COL22A1: variants seen among roughly 807,000 people sequenced by gnomAD.
COL22A1 encodes collagen type XXII alpha 1 chain.
Under a neutral mutation model 248.9 loss-of-function variants are expected in COL22A1, and 221 were observed. The observed-to-expected ratio is 0.89, with a 90% CI of 0.80 to 0.99. COL22A1 has a LOEUF of 0.99. Among genes scored for constraint, COL22A1 ranks in the 50% least tolerant of loss-of-function variants. The pLI is 0.00. For missense variants in COL22A1, 2,240 were observed against 2,179.0 expected, an observed-to-expected ratio of 1.03 and a Z score of -0.56; for synonymous variants, 891 against 793.4, an observed-to-expected ratio of 1.12 and a Z score of -2.07.
chr8:138,849,247 C>A (rs1290693569), intron 3 of COL22A1, among the ~76,000 whole-genome samples: 3 of 152,218 alleles, frequency 2.0e-5, no homozygotes, highest in Non-Finnish European at 4.4e-5. Flanking sequence ...TGTTTCTGAG[C>A]CTCTTGGCTG....
intron 45 of COL22A1, among the ~76,000 whole-genome samples, chr8:138,650,239 T>C (rs578094012): frequency 1.4e-4 from 22 of 152,356 alleles, no homozygotes; most frequent in East Asian, 3.9e-4. Flanking sequence ...AAGTGGTTTC[T>C]GAACAAGGAA....
At chr8:138,729,040 G>A (rs1045978298) in intron 23 of COL22A1, among the ~76,000 whole-genome samples, 8 of 152,100 alleles carry the variant, frequency 5.3e-5, no homozygotes, top group Admixed American at 2.0e-4. Flanking sequence ...CAAGGGGCTC[G>A]GCCACCTCCA....
At chr8:138,621,012 TC>T in intron 52 of COL22A1, among the ~76,000 whole-genome samples, 1 of 150,908 alleles carries the variant, frequency 6.6e-6, no homozygotes. Flanking sequence ...CATCCATCCA[TC>T]CATCCATCCT....
intron 32 of COL22A1, 40 bp from the exon 33 acceptor site, chr8:138,694,919 G>C: frequency 2.5e-6 from 4 of 1,599,968 alleles, no homozygotes; most frequent in Non-Finnish European, 3.4e-6. Flanking sequence ...ACTTCAGGGA[G>C]AACTGCCCCT....
rs1000343134 is a variant in COL22A1 at position 138,787,731 on chromosome 8, G to A, written c.1597-6751C>T. On this transcript the variant is annotated intron_variant, in intron 12 of 64. Coordinates refer to ENST00000303045, the MANE Select transcript of COL22A1 (RefSeq NM_152888.3). The stretch of plus-strand genomic sequence containing the variant: ...TGCTGTGACTCAAAATCAGGGCTTG[G>A]CTCCAAGTCCAGGCTCTGACCTGTC... Among the ~76,000 whole-genome samples the A allele has an allele frequency of 3.3e-5, 5 of 152,106 alleles. No individual in the cohort carries two copies. The East Asian group carries it at 7.7e-4, about 23-fold the overall frequency.
intron 10 of COL22A1, among the ~76,000 whole-genome samples, chr8:138,805,384 G>A (rs561134703): frequency 2.6e-5 from 3 of 117,312 alleles, no homozygotes; most frequent in East Asian, 2.4e-4. Context: ...TGATGGTGTG[G>A]GCATGTGATG....
In COL22A1 at chr8:138,851,411, C is replaced by T. The variant is rs188364019; in HGVS notation, c.659-7253G>A. ...CATGGAGAGCCTCGTGGCCCAAGGC[C>T]GAGTTTGGAATTCAGAGCAATGGAG... On this transcript the variant is annotated intron_variant, in intron 3 of 64. Transcript: ENST00000303045. Among the ~76,000 whole-genome samples, 1,198 of 152,252 alleles carry T rather than the reference C, an allele frequency of 7.9e-3. 7 individuals carry two copies. The highest frequency in any genetic ancestry group is 0.012 in the Non-Finnish European group (810 of 68,032).
intron 42 of COL22A1, among the ~76,000 whole-genome samples, chr8:138,662,481 A>AC (rs1824053214): frequency 6.6e-6 from 1 of 152,158 alleles, no homozygotes. Context: ...CTTGTGCAAG[A>AC]CCCAGCACAA....
At chr8:138,700,087 A>T in intron 32 of COL22A1, 25 bp downstream of exon 32, 1 of 1,611,880 alleles carries the variant, frequency 6.2e-7, no homozygotes, top group African/African-American at 1.3e-5. Context: ...CACACTGGGC[A>T]CCCCGAGGCA....
intron 22 of COL22A1, among the ~76,000 whole-genome samples, chr8:138,749,392 T>C (rs1050854682): frequency 2.0e-5 from 3 of 152,148 alleles, no homozygotes; most frequent in African/African-American, 7.2e-5. Flanking sequence ...TATAAACAGT[T>C]CCACCCATCA....
intron 53 of COL22A1, 46 bp from the exon 54 acceptor site, chr8:138,617,004 G>T: frequency 6.2e-7 from 1 of 1,609,678 alleles, no homozygotes; most frequent in Non-Finnish European, 8.5e-7. Flanking sequence ...GCAGGCTCTT[G>T]GGGCAGAAGT....
intron 30 of COL22A1, 86 bp downstream of exon 30, chr8:138,715,596 A>C: frequency 1.4e-6 from 1 of 727,294 alleles, no homozygotes; most frequent in Non-Finnish European, 2.3e-6. Context: ...AAAAAAAGAT[A>C]GAGTATATTC....
intron 7 of COL22A1, among the ~76,000 whole-genome samples, chr8:138,817,254 C>T (rs571931841): frequency 1.7e-4 from 26 of 152,174 alleles, no homozygotes; most frequent in African/African-American, 6.3e-4. Context: ...AAGGGTGTTA[C>T]CACTGTGAGC....
At chr8:138,620,439 T>C (rs1051791189) in intron 52 of COL22A1, 1 of 150,584 alleles carries the variant, frequency 6.6e-6, no homozygotes, top group Non-Finnish European at 1.5e-5. Flanking sequence ...GAAAGAAGGG[T>C]GGGGCCTAAA....
At position 138,844,154 on chromosome 8, in the gene COL22A1, C is replaced by A. The variant is rs188216058; in HGVS notation, c.663G>T (p.Val221=). ...CTTCTACACGAACGCTAGGACAGAGCACATCTGAGGAAAGCAAGAGGAAAC... is the reference window on the plus strand; with the variant it reads ...CTTCTACACGAACGCTAGGACAGAGAACATCTGAGGAAAGCAAGAGGAAAC... ...GKLRRRLCEN[V]LCPSVRVEGD... The change falls in exon 4 of 65, where the codon GTG becomes GTT. Residue 221 remains valine, a synonymous_variant. Coordinates refer to ENST00000303045, the MANE Select transcript of COL22A1 (RefSeq NM_152888.3). The A allele has an allele frequency of 6.2e-7, 1 of 1,614,094 alleles. No individual in the cohort carries two copies. The highest frequency in any genetic ancestry group is 1.7e-5 in the Admixed American group (1 of 60,018).
chr8:138,618,522 C>T (rs913856408), intron 53 of COL22A1, among the ~76,000 whole-genome samples: 13 of 152,180 alleles, frequency 8.5e-5, no homozygotes, highest in Admixed American at 7.9e-4. Flanking sequence ...TTGCAATCCC[C>T]ATAAGAGGTC....
At chr8:138,728,699 A>G (rs982877088) in intron 23 of COL22A1, among the ~76,000 whole-genome samples, 1 of 152,006 alleles carries the variant, frequency 6.6e-6, no homozygotes, top group Non-Finnish European at 1.5e-5. Flanking sequence ...GACAATGAAG[A>G]AAACTGAGGC....
intron 12 of COL22A1, among the ~76,000 whole-genome samples, chr8:138,786,245 TG>T (rs1212365403): frequency 6.6e-6 from 1 of 152,230 alleles, no homozygotes; most frequent in African/African-American, 2.4e-5. Context: ...CCACCCTTAC[TG>T]TGTATTCTAA....
At chr8:138,662,201 G>A in intron 42 of COL22A1, 118 bp from the exon 43 acceptor site, 1 of 795,984 alleles carries the variant, frequency 1.3e-6, no homozygotes, top group Non-Finnish European at 2.0e-6. Context: ...TGAGGAATCT[G>A]ATGCAACATG....
Sources: gnomAD v4.1 joint callset for allele counts (sites outside exome capture counted in the v4.1 genomes callset) on GRCh38, gnomAD v4.1.1 for gene constraint, MANE v1.5 for transcripts, NCBI Gene and HGNC (gene_info 2026-07-23, HGNC 2026-07-21) for gene names.